PPIG: variants seen among roughly 807,000 people sequenced by gnomAD.
PPIG encodes the protein peptidylprolyl isomerase G, also known as peptidyl-prolyl cis-trans isomerase G.
A neutral mutation model predicts 87.9 loss-of-function variants in PPIG; 26 were observed. The observed-to-expected ratio is 0.30, with a 90% CI of 0.22 to 0.41. PPIG has a LOEUF of 0.41. PPIG is among the 10% of genes least tolerant of loss of function. PPIG has a pLI of 1.00. For synonymous variants in PPIG, 308 were observed against 276.5 expected, an observed-to-expected ratio of 1.11 and a Z score of -1.13; for missense variants, 722 against 879.4, an observed-to-expected ratio of 0.82 and a Z score of 2.26.
In PPIG at chr2:169,638,319, TTAA is replaced by T. The variant is rs982190343; in HGVS notation, c.*798_*800del. On this transcript the variant is annotated 3_prime_UTR_variant, in exon 14 of 14. Coordinates refer to ENST00000260970, the MANE Select transcript of PPIG (RefSeq NM_004792.3). ...AAGAGTTTTGGGAACGTTTTAATTA[TTAA>T]TTACCCTTCTCTAAACTTTAAAAAA... The T allele has an allele frequency of 1.3e-5, 2 of 149,970 alleles. No homozygotes were observed. Among genetic ancestry groups the T allele is most frequent in the African/African-American group, 5.0e-5 (2 of 39,984 alleles). 9.3% of individuals were successfully genotyped at this position (149,970 alleles called of 1,614,324 possible). A position where few individuals can be genotyped will look rare whatever the true frequency, so the allele number is the denominator to read the frequency against.
At chr2:169,624,993 T>A (rs1306259232) in intron 9 of PPIG, among the ~76,000 whole-genome samples, 1 of 152,164 alleles carries the variant, frequency 6.6e-6, no homozygotes, top group Non-Finnish European at 1.5e-5. Flanking sequence ...TTGTATATAT[T>A]TATGGTATAC....
rs528938888 is a variant in PPIG at position 169,603,368 on chromosome 2, T to C, written c.-69-274T>C. On this transcript the variant is annotated intron_variant, in intron 1 of 13. Coordinates refer to ENST00000260970, the MANE Select transcript of PPIG (RefSeq NM_004792.3). Reference sequence around the variant, plus strand: ...AAATAAAGCTGTTACACAGAGTATCTCTTTGGTATTTTTTGTGTCTATACC... The same window carrying C: ...AAATAAAGCTGTTACACAGAGTATCCCTTTGGTATTTTTTGTGTCTATACC... Among the ~76,000 whole-genome samples, 13 of 152,270 alleles carry C rather than the reference T, an allele frequency of 8.5e-5. No individual in the cohort carries two copies. The South Asian group carries it at 2.7e-3, about 32-fold the overall frequency.
intron 7 of PPIG, 24 bp downstream of exon 7, chr2:169,608,782 T>G: frequency 6.5e-7 from 1 of 1,546,876 alleles, no homozygotes; most frequent in Non-Finnish European, 8.9e-7. Flanking sequence ...ATCTGATGAT[T>G]TAAAACATCC....
chr2:169,636,984 C>T lies in PPIG; in HGVS notation c.1726C>T (p.Arg576Ter), dbSNP rs1558904194. The stretch of plus-strand genomic sequence containing the variant: ...AAGTAGGGACAGAAGCAGAAGAGTG[C>T]GATCAAGAACCCATGACAGAGATCG... ...SRSRDRSRRVRSRTHDRDRSR... is the reference protein window; with the variant it reads ...SRSRDRSRRV Residue 576 changes from arginine to a stop codon, truncating the protein, a stop_gained, in exon 14 of 14, where the codon CGA (arginine) becomes TGA (stop). Transcript: ENST00000260970. LOFTEE classifies it high-confidence loss of function. 1 of 1,613,638 alleles carries T rather than the reference C, an allele frequency of 6.2e-7. No homozygotes were observed.
In PPIG at chr2:169,637,084, G is replaced by T. The variant is rs1378345604; in HGVS notation, c.1826G>T (p.Arg609Ile). Residue 609 changes from arginine to isoleucine, a missense_variant, in exon 14 of 14, where the codon AGA becomes ATA. Coordinates refer to ENST00000260970, the MANE Select transcript of PPIG (RefSeq NM_004792.3). ...AGAGGACGGTCACGAAGCCGAGAGA[G>T]AAGAACACCACCAGGAAGATCAAGA... The part of the protein sequence containing the change: ...RRRGRSRSRE[R>I]RTPPGRSRSK... 1.9e-6 allele frequency: 3 copies of T among 1,612,470 alleles called. No homozygotes were observed. The East Asian group carries it at 6.7e-5, about 36-fold the overall frequency.
At chr2:169,588,986 T>C (rs1318234689) in intron 1 of PPIG, among the ~76,000 whole-genome samples, 1 of 146,634 alleles carries the variant, frequency 6.8e-6, no homozygotes, top group Non-Finnish European at 1.5e-5. Flanking sequence ...AAAAAAAACC[T>C]TAGATAATTG....
At chr2:169,595,577 T>C (rs1684994315) in intron 1 of PPIG, among the ~76,000 whole-genome samples, 2 of 152,172 alleles carry the variant, frequency 1.3e-5, no homozygotes, top group African/African-American at 4.8e-5. Context: ...CTCAAGTGTC[T>C]AGTAACAGTC....
Position 169,636,940 on chromosome 2 carries a change from G to T in PPIG, c.1682G>T (p.Arg561Ile). ...ITKGKHSYNS[R>I]TRERSRSRDR... ...AAAGGTAAACACAGTTATAATAGCA[G>T]AACAAGAGAACGAAGCAGAAGTAGG... The change falls in exon 14 of 14, where the codon AGA becomes ATA. Residue 561 changes from arginine (R) to isoleucine (I), a missense_variant. By Grantham distance (97) the Arg-to-Ile change is moderately conservative (BLOSUM62 -3). Transcript: ENST00000260970. The T allele has an allele frequency of 6.2e-7, 1 of 1,613,976 alleles. No homozygotes were observed.
rs974062358 is a variant in PPIG at position 169,594,436 on chromosome 2, T to C, written c.-69-9206T>C. 5.3e-5 allele frequency among the ~76,000 whole-genome samples: 8 copies of C among 151,916 alleles called. No homozygotes were observed. In the East Asian group the frequency reaches 1.3e-3, roughly 26 times the overall value. On this transcript the variant is annotated intron_variant, in intron 1 of 13. Transcript: ENST00000260970. ...ACATTAAAAATTACCCTTAAACCCA[T>C]GGCCCACACATGATGATTGCTAACA...
At chr2:169,598,866 T>TTTATATAAATACAGGTAAATATAC in intron 1 of PPIG, among the ~76,000 whole-genome samples, 1 of 149,096 alleles carries the variant, frequency 6.7e-6, no homozygotes, top group East Asian at 2.0e-4. Context: ...GGTAAATATA[T>TTTATATAAATACAGGTAAATATAC]TTATATAAAT....
chr2:169,603,157 G>T (rs576939364), intron 1 of PPIG, among the ~76,000 whole-genome samples: 1 of 151,992 alleles, frequency 6.6e-6, no homozygotes, highest in Admixed American at 6.6e-5. Context: ...ATAACATAGC[G>T]TACATAGCAT....
intron 1 of PPIG, among the ~76,000 whole-genome samples, chr2:169,588,275 T>C (rs1684762235): frequency 6.6e-6 from 1 of 152,252 alleles, no homozygotes; most frequent in Non-Finnish European, 1.5e-5. Flanking sequence ...TTAATTATTG[T>C]ATACATTTTA....
intron 1 of PPIG, among the ~76,000 whole-genome samples, chr2:169,603,084 A>C (rs1685228089): frequency 6.6e-6 from 1 of 152,202 alleles, no homozygotes; most frequent in Non-Finnish European, 1.5e-5. Context: ...TGGAGGTAGA[A>C]GAATAAAGAG....
chr2:169,617,263 C>G (rs755724543), intron 9 of PPIG, among the ~76,000 whole-genome samples: 3 of 152,074 alleles, frequency 2.0e-5, no homozygotes, highest in Non-Finnish European at 1.5e-5. Context: ...GTTACTGTAG[C>G]CTTGCAGTAT....
intron 4 of PPIG, among the ~76,000 whole-genome samples, chr2:169,604,601 C>T (rs889403875): frequency 4.0e-5 from 6 of 151,574 alleles, no homozygotes; most frequent in African/African-American, 9.7e-5. Context: ...GGCAGCCAGG[C>T]GCAGTGGCTC....
chr2:169,624,362 A>G (rs1297899977), intron 9 of PPIG, among the ~76,000 whole-genome samples: 1 of 152,214 alleles, frequency 6.6e-6, no homozygotes, highest in African/African-American at 2.4e-5. Flanking sequence ...AGTTTGGGAA[A>G]TCATTCTACT....
intron 9 of PPIG, among the ~76,000 whole-genome samples, chr2:169,629,198 A>G (rs1324321730): frequency 6.6e-6 from 1 of 152,160 alleles, no homozygotes. Flanking sequence ...TTCTTTAGCT[A>G]GCTTCAGGAG....
intron 12 of PPIG, among the ~76,000 whole-genome samples, chr2:169,634,590 C>G (rs1686138051): frequency 6.6e-6 from 1 of 152,188 alleles, no homozygotes; most frequent in Non-Finnish European, 1.5e-5. Flanking sequence ...CTTTAGGTTA[C>G]TGATTTTAGT....
chr2:169,603,900 G>T (rs919137442), intron 2 of PPIG, 126 bp from the exon 3 acceptor site: 7 of 729,890 alleles, frequency 9.6e-6, no homozygotes, highest in African/African-American at 1.8e-5. Flanking sequence ...TTACCTCATA[G>T]AAATAAATAT....
Sources: allele counts gnomAD v4.1 joint callset (sites outside exome capture counted in the v4.1 genomes callset), GRCh38; gene constraint gnomAD v4.1.1; transcripts MANE v1.5; gene names NCBI Gene and HGNC (gene_info 2026-07-23, HGNC 2026-07-21).